Variants in MVB12B observed in about 807,000 individuals in gnomAD.
MVB12B encodes multivesicular body subunit 12B, also known as ESCRT-I complex subunit MVB12B.
Under a neutral mutation model 41.6 loss-of-function variants are expected in MVB12B, and 16 were observed. The ratio of observed to expected loss-of-function variants is 0.38; its 90% confidence interval spans 0.26 to 0.58. The LOEUF is 0.58. Among genes scored for constraint, MVB12B ranks in the 20% least tolerant of loss-of-function variants. MVB12B has a pLI of 0.62. For missense variants in MVB12B, 274 were observed against 380.2 expected, an observed-to-expected ratio of 0.72 and a Z score of 2.32; for synonymous variants, 133 against 139.7, an observed-to-expected ratio of 0.95 and a Z score of 0.34.
chr9:126,500,904 C>T (rs919384085), intron 9 of MVB12B, among the ~76,000 whole-genome samples: 4 of 152,222 alleles, frequency 2.6e-5, no homozygotes, highest in African/African-American at 9.6e-5. Context: ...CATGTGCCCT[C>T]GGAGGTGGCC....
Position 126,480,595 on chromosome 9 carries a change from C to A in MVB12B, c.758-774C>A, listed in dbSNP as rs377146298. On this transcript the variant is annotated intron_variant, in intron 7 of 9. Transcript: ENST00000361171. This position sits in a 1 kb window ranked among gnomAD's most constrained non-coding sequence, Gnocchi z 4.9. ...CCTGGTTTCTCCATCGTTGCGTCCC[C>A]GTTCCATGCCCTTTTTCTCGTGTCC... 7.2e-5 allele frequency among the ~76,000 whole-genome samples: 11 copies of A among 152,162 alleles called. No homozygotes were observed. Among genetic ancestry groups the A allele is most frequent in the African/African-American group, 2.7e-4 (11 of 41,448 alleles).
chr9:126,389,997 AT>A lies in MVB12B; in HGVS notation c.410-2067del, dbSNP rs1225372195. 6.6e-6 allele frequency among the ~76,000 whole-genome samples: 1 copy of A among 152,076 alleles called. No homozygotes were observed. Among genetic ancestry groups the A allele is most frequent in the East Asian group, 1.9e-4 (1 of 5,200 alleles). On this transcript the variant is annotated intron_variant, in intron 4 of 9. Transcript: ENST00000361171. This position sits in a 1 kb window ranked among gnomAD's most constrained non-coding sequence, Gnocchi z 4.4. ...CCCCTCAAAATATAATAACAAAACA[AT>A]TCCACTGATTTTCTTGTCCCCCTCC...
At chr9:126,499,528 T>A (rs1833906961) in intron 9 of MVB12B, among the ~76,000 whole-genome samples, 1 of 152,202 alleles carries the variant, frequency 6.6e-6, no homozygotes, top group Non-Finnish European at 1.5e-5. Context: ...CGGGTCCAAA[T>A]CCACCTTCAA....
At chr9:126,378,222 G>GGTAGACCCTGCCTTGA (rs1284918356) in intron 2 of MVB12B, among the ~76,000 whole-genome samples, 2 of 152,234 alleles carry the variant, frequency 1.3e-5, no homozygotes, top group African/African-American at 4.8e-5. Context: ...GGCACTGTCA[G>GGTAGACCCTGCCTTGA]GTAGACCCTG....
intron 6 of MVB12B, among the ~76,000 whole-genome samples, chr9:126,398,139 G>T (rs1336432292): frequency 1.3e-5 from 2 of 152,090 alleles, no homozygotes; most frequent in South Asian, 2.1e-4. Context: ...TCAGCGCAGA[G>T]GACTTCTCTC....
intron 6 of MVB12B, among the ~76,000 whole-genome samples, chr9:126,400,228 A>C: frequency 6.6e-6 from 1 of 152,206 alleles, no homozygotes; most frequent in East Asian, 1.9e-4. Flanking sequence ...AGAAAGTAGA[A>C]GTGTTTCCAG....
Position 126,447,293 on chromosome 9 carries a change from T to C in MVB12B, c.757+25345T>C, listed in dbSNP as rs975023488. On this transcript the variant is annotated intron_variant, in intron 7 of 9. Coordinates refer to ENST00000361171, the MANE Select transcript of MVB12B (RefSeq NM_033446.3). Reference sequence around the variant, plus strand: ...TTTCTATTTATTTTAGCTTTTTTAATAGCTTCCCTTGAGTGGTTCCCTCAT... The same window carrying C: ...TTTCTATTTATTTTAGCTTTTTTAACAGCTTCCCTTGAGTGGTTCCCTCAT... 7.9e-5 allele frequency among the ~76,000 whole-genome samples: 12 copies of C among 151,574 alleles called. No individual in the cohort carries two copies. The East Asian group carries it at 2.3e-3, about 29-fold the overall frequency.
chr9:126,457,232 C>G (rs1427193833), intron 7 of MVB12B, among the ~76,000 whole-genome samples: 1 of 152,190 alleles, frequency 6.6e-6, no homozygotes, highest in Non-Finnish European at 1.5e-5. Flanking sequence ...TCCCTTCTTC[C>G]CTCCATCACC....
intron 1 of MVB12B, among the ~76,000 whole-genome samples, chr9:126,336,644 C>T (rs1332656700): frequency 6.6e-6 from 1 of 152,198 alleles, no homozygotes. Flanking sequence ...GCTCTTTGAG[C>T]ATGGCATGGT....
At chr9:126,494,865 C>T (rs1254719166) in intron 9 of MVB12B, among the ~76,000 whole-genome samples, 1 of 149,938 alleles carries the variant, frequency 6.7e-6, no homozygotes, top group Non-Finnish European at 1.5e-5. Flanking sequence ...CAGGGAGCAC[C>T]CCACCCCCCC....
rs149179572 is a variant in MVB12B, at chr9:126,422,002, C to T, written c.757+54C>T. On this transcript the variant is annotated intron_variant, in intron 7 of 9. Coordinates refer to ENST00000361171, the MANE Select transcript of MVB12B (RefSeq NM_033446.3). ...TACAGAGTCTGTGTCCCGGGCGCCA[C>T]CTCCTTCCACACGTTCTCTGTCTTC... 1.2e-4 allele frequency: 145 copies of T among 1,245,106 alleles called. No individual in the cohort carries two copies. In the African/African-American group the frequency reaches 1.8e-3, roughly 16 times the overall value. The allele number at this position is 1,245,106 out of a possible 1,614,324, so 77.1% of individuals were successfully genotyped here. A position where few individuals can be genotyped will look rare whatever the true frequency, so the allele number is the denominator to read the frequency against.
At position 126,468,476 on chromosome 9, in the gene MVB12B, T is replaced by C. The variant is rs1284549123; in HGVS notation, c.758-12893T>C. ...CGCCCCGTCAGTACCTGGCATTTCA[T>C]TCTCCCAGCTCTTTAGGCCAGGATC... is the stretch of plus-strand genomic sequence containing the variant. On this transcript the variant is annotated intron_variant, in intron 7 of 9. Transcript: ENST00000361171. This position sits in a 1 kb window ranked among gnomAD's most constrained non-coding sequence, Gnocchi z 4.3. Among the ~76,000 whole-genome samples, 1 of 152,188 alleles carries C rather than the reference T, an allele frequency of 6.6e-6. No homozygotes were observed. The highest frequency in any genetic ancestry group is 1.5e-5 in the Non-Finnish European group (1 of 68,038).
rs1359814803 is a variant in MVB12B at position 126,395,869 on chromosome 9, A to G, written c.662+172A>G. The G allele has an allele frequency of 7.0e-7, 1 of 1,428,898 alleles. No individual in the cohort carries two copies. Among genetic ancestry groups the G allele is most frequent in the East Asian group, 2.5e-5 (1 of 39,702 alleles). 88.5% of individuals were successfully genotyped at this position (1,428,898 alleles called of 1,614,324 possible). On this transcript the variant is annotated intron_variant, in intron 6 of 9. Transcript: ENST00000361171. This position sits in a 1 kb window ranked among gnomAD's most constrained non-coding sequence, Gnocchi z 4.9. ...TAAAAATCCACTTGGAAATCTTTGC[A>G]TTACATGAATGCAAAGGCCATTCTA...
intron 6 of MVB12B, among the ~76,000 whole-genome samples, chr9:126,401,739 C>G (rs992388280): frequency 2.6e-5 from 4 of 152,236 alleles, no homozygotes; most frequent in Non-Finnish European, 5.9e-5. Context: ...GAGCGTGCCA[C>G]GCTCCGTCCT....
chr9:126,460,979 A>G (rs1833076534), intron 7 of MVB12B, among the ~76,000 whole-genome samples: 1 of 152,202 alleles, frequency 6.6e-6, no homozygotes, highest in African/African-American at 2.4e-5. Flanking sequence ...TTGAGTCACC[A>G]CCACCACCCT....
chr9:126,433,851 C>G (rs1052565627), intron 7 of MVB12B, among the ~76,000 whole-genome samples: 14 of 152,224 alleles, frequency 9.2e-5, no homozygotes, highest in African/African-American at 3.4e-4. Context: ...CCAGCATTGC[C>G]GAGCTCAAGC....
At chr9:126,360,620 C>T (rs1454712408) in intron 2 of MVB12B, among the ~76,000 whole-genome samples, 1 of 152,124 alleles carries the variant, frequency 6.6e-6, no homozygotes, top group Non-Finnish European at 1.5e-5. Context: ...TTCAAGTTTT[C>T]TATATTATTC....
At chr9:126,347,971 C>T (rs1337840738) in intron 2 of MVB12B, among the ~76,000 whole-genome samples, 1 of 152,220 alleles carries the variant, frequency 6.6e-6, no homozygotes, top group African/African-American at 2.4e-5. Flanking sequence ...GTTGCCCCTC[C>T]TGGAACTCTG....
At chr9:126,354,932 T>C (rs1222241233) in intron 2 of MVB12B, among the ~76,000 whole-genome samples, 2 of 152,244 alleles carry the variant, frequency 1.3e-5, no homozygotes, top group Non-Finnish European at 2.9e-5. Flanking sequence ...TCTATTTTAT[T>C]GATTTGGCTT....
Sources: gnomAD v4.1 joint callset for allele counts (sites outside exome capture counted in the v4.1 genomes callset) on GRCh38, gnomAD v4.1.1 for gene constraint, Gnocchi (gnomAD v3.1) non-coding constraint, MANE v1.5 for transcripts, NCBI Gene and HGNC (gene_info 2026-07-23, HGNC 2026-07-21) for gene names.